The following LINGO1 variants were observed in gnomAD, a reference collection of about 807,000 sequenced individuals.
LINGO1 encodes leucine-rich repeat and immunoglobulin-like domain-containing nogo receptor-interacting protein 1.
In LINGO1, 11 loss-of-function variants were observed where a neutral mutation model predicts 37.3. The ratio of observed to expected loss-of-function variants is 0.29; its 90% CI spans 0.19 to 0.49. The LOEUF (loss-of-function observed/expected upper bound fraction) is 0.49. Ranked by LOEUF, LINGO1 falls within the 20% of genes least tolerant of loss-of-function variation. The probability of loss-of-function intolerance (pLI) is 0.99; values close to 1 mark genes in which losing one functional copy is unlikely to be tolerated. For synonymous variants in LINGO1, 387 were observed against 403.0 expected, an observed-to-expected ratio of 0.96 and a Z score of 0.48; for missense variants, 585 against 878.2, an observed-to-expected ratio of 0.67 and a Z score of 4.22.
intron 2 of LINGO1, among the ~76,000 whole-genome samples, chr15:77,709,034 G>A (rs1474723348): frequency 6.6e-6 from 1 of 152,210 alleles, no homozygotes; most frequent in East Asian, 1.9e-4. Context: ...AACACCAGGA[G>A]CCAGAAGAGG....
intron 1 of LINGO1, among the ~76,000 whole-genome samples, chr15:77,813,227 TAGA>T (rs771475875): frequency 1.9e-4 from 29 of 152,166 alleles, no homozygotes; most frequent in Non-Finnish European, 3.4e-4. Context: ...GGGTGGCCAA[TAGA>T]AGGTTTTTTT....
intron 1 of LINGO1, among the ~76,000 whole-genome samples, chr15:77,744,992 C>T (rs936823353): frequency 6.6e-6 from 1 of 151,702 alleles, no homozygotes; most frequent in African/African-American, 2.4e-5. Flanking sequence ...GTGGTACACA[C>T]TTGTAATCCC....
upstream of LINGO1, among the ~76,000 whole-genome samples, chr15:77,698,569 C>T (rs912964599): frequency 1.3e-5 from 2 of 152,168 alleles, no homozygotes; most frequent in African/African-American, 4.8e-5. Context: ...GTGGGGCTGG[C>T]TCATGGTCCT....
intron 2 of LINGO1, among the ~76,000 whole-genome samples, chr15:77,705,174 GACACACAC>G (rs72451354): frequency 3.0e-5 from 3 of 99,088 alleles, no homozygotes; most frequent in South Asian, 3.5e-4. Context: ...CCCCTGCCAT[GACACACAC>G]ACACACACAC....
chr15:77,769,641 G>C (rs77751933), intron 1 of LINGO1, among the ~76,000 whole-genome samples: 3,086 of 152,250 alleles, frequency 0.02, 101 homozygotes, highest in African/African-American at 0.071. Context: ...GCTGGGGGAA[G>C]ACTGCCAAGC....
At position 77,615,502 on chromosome 15, in the gene LINGO1, C is replaced by T. The variant is rs776340031; in HGVS notation, c.405G>A (p.Pro135=). 5.0e-6 allele frequency: 8 copies of T among 1,613,846 alleles called. No homozygotes were observed. The highest frequency in any genetic ancestry group is 1.6e-4 in the Middle Eastern group (1 of 6,084). Residue 135 remains proline, a synonymous_variant, in exon 2 of 2, where the codon CCG becomes CCA. Transcript: ENST00000355300. ...GLRSNRLKLI[P]LGVFTGLSNL... Reference sequence around the variant, plus strand: ...TGCTGAGGCCAGTGAAGACGCCTAGCGGGATGAGCTTCAGGCGGTTGCTGC... The same window carrying T: ...TGCTGAGGCCAGTGAAGACGCCTAGTGGGATGAGCTTCAGGCGGTTGCTGC...
chr15:77,635,719 C>T (rs2074383605), upstream of LINGO1, among the ~76,000 whole-genome samples: 1 of 152,248 alleles, frequency 6.6e-6, no homozygotes, highest in South Asian at 2.1e-4. Flanking sequence ...CTATTCCTGT[C>T]TCCTCTCCCC....
chr15:77,679,129 C>T (rs1337661129), intron 2 of LINGO1, among the ~76,000 whole-genome samples: 1 of 152,088 alleles, frequency 6.6e-6, no homozygotes, highest in Non-Finnish European at 1.5e-5. Flanking sequence ...TCGAACTCCT[C>T]ACCTTAGGTG....
chr15:77,795,215 G>A (rs1157263175), intron 2 of LINGO1, among the ~76,000 whole-genome samples: 1 of 152,122 alleles, frequency 6.6e-6, no homozygotes, highest in African/African-American at 2.4e-5. Context: ...GAGCAAGCCG[G>A]GGTCAAGCCA....
intron 1 of LINGO1, among the ~76,000 whole-genome samples, chr15:77,627,545 C>T (rs1049550680): frequency 3.3e-5 from 5 of 152,162 alleles, no homozygotes; most frequent in South Asian, 2.1e-4. Context: ...TTGTTCCATC[C>T]GGGGTTCATT....
rs190625965 is a variant in LINGO1 at position 77,765,281 on chromosome 15, G to A, written c.-257+21588C>T. ...AATACAAAAATTAGCCAGCTGCGGC[G>A]GTGCACACTTGTAATCCCAGTTACT... On this transcript the variant is annotated intron_variant, in intron 1 of 3. Coordinates refer to the LINGO1 transcript ENST00000561686. 3.3e-5 allele frequency among the ~76,000 whole-genome samples: 5 copies of A among 152,150 alleles called. No individual in the cohort carries two copies. In the East Asian group the frequency reaches 5.8e-4, roughly 18 times the overall value.
chr15:77,793,647 A>G (rs1165569315), intron 2 of LINGO1, among the ~76,000 whole-genome samples: 2 of 152,210 alleles, frequency 1.3e-5, no homozygotes, highest in Non-Finnish European at 2.9e-5. Flanking sequence ...CAAAATACAC[A>G]ACAGAGAATT....
intron 3 of LINGO1, among the ~76,000 whole-genome samples, chr15:77,657,338 G>A (rs1230966903): frequency 6.6e-6 from 1 of 152,018 alleles, no homozygotes; most frequent in African/African-American, 2.4e-5. Context: ...ATGAGGGGCC[G>A]GGGGTGGGGG....
At chr15:77,698,065 C>T (rs533217179), upstream of LINGO1, among the ~76,000 whole-genome samples, 131 of 151,982 alleles carry the variant, frequency 8.6e-4, no homozygotes, top group African/African-American at 2.8e-3. Context: ...TTCAGGCAGG[C>T]GGAAGGACAG....
chr15:77,676,775 A>G (rs902813102), intron 3 of LINGO1, among the ~76,000 whole-genome samples: 5 of 152,244 alleles, frequency 3.3e-5, no homozygotes, highest in African/African-American at 9.6e-5. Flanking sequence ...AAAGACAGAC[A>G]GTGAGCATAG....
Position 77,818,700 on chromosome 15 carries a change from C to A in LINGO1, c.-458+1558G>T, listed in dbSNP as rs573916797. 2.4e-3 allele frequency among the ~76,000 whole-genome samples: 367 copies of A among 152,208 alleles called. 3 individuals carry two copies. The highest frequency in any genetic ancestry group is 8.5e-3 in the African/African-American group (351 of 41,536). On this transcript the variant is annotated intron_variant, in intron 1 of 5. Transcript: ENST00000562933. ...GTCTTCCTCCTGCCTGCAAAGACATCCCAGGCCCTGGGCCTGGGAGCTGTC... is the reference window on the plus strand; with the variant it reads ...GTCTTCCTCCTGCCTGCAAAGACATACCAGGCCCTGGGCCTGGGAGCTGTC...
chr15:77,680,955 G>A (rs546259689), intron 2 of LINGO1, among the ~76,000 whole-genome samples: 34 of 152,086 alleles, frequency 2.2e-4, no homozygotes, highest in Admixed American at 1.3e-3. Context: ...TACCCCTTAA[G>A]GTAACAGGGG....
In LINGO1 at chr15:77,759,580, A is replaced by G. The variant is rs114866805; in HGVS notation, c.-256-24527T>C. Among the ~76,000 whole-genome samples the G allele has an allele frequency of 8.6e-3, 1,304 of 152,352 alleles. 20 individuals carry two copies. Among genetic ancestry groups the G allele is most frequent in the African/African-American group, 0.029 (1,224 of 41,580 alleles). On this transcript the variant is annotated intron_variant, in intron 1 of 3. Transcript: ENST00000561686. ...AGTGCCCAGCACACCATAGGTGCTCAGCAAGCGTCACCTTCACCTCGATGC... is the reference window on the plus strand; with the variant it reads ...AGTGCCCAGCACACCATAGGTGCTCGGCAAGCGTCACCTTCACCTCGATGC...
intron 1 of LINGO1, among the ~76,000 whole-genome samples, chr15:77,617,210 C>T (rs1354869963): frequency 6.6e-6 from 1 of 152,182 alleles, no homozygotes; most frequent in Non-Finnish European, 1.5e-5. Flanking sequence ...CCCTCTCCCA[C>T]CCCCTGTTCA....
Sources: gnomAD v4.1 joint callset for allele counts (sites outside exome capture counted in the v4.1 genomes callset) on GRCh38, gnomAD v4.1.1 for gene constraint, MANE v1.5 for transcripts, NCBI Gene and HGNC (gene_info 2026-07-23, HGNC 2026-07-21) for gene names.